CSMD1: variants seen among roughly 807,000 people sequenced by gnomAD.
CSMD1 encodes CUB and Sushi multiple domains 1, also known as CUB and sushi domain-containing protein 1.
In CSMD1, 213 loss-of-function variants were observed where a neutral mutation model predicts 417.5. The ratio of observed to expected loss-of-function variants is 0.51; its 90% CI spans 0.46 to 0.57. The LOEUF (loss-of-function observed/expected upper bound fraction) is 0.57, where lower values mean the gene tolerates loss of function less well. Ranked by LOEUF, CSMD1 falls within the 20% of genes least tolerant of loss-of-function variation. The pLI is 0.00. For synonymous variants in CSMD1, 2,862 were observed against 1,736.8 expected (o/e 1.65, Z -16.11); for missense variants, 6,923 against 4,529.7 (o/e 1.53, Z -15.17).
At chr8:4,300,604 T>C (rs1196413377) in intron 3 of CSMD1, among the ~76,000 whole-genome samples, 1 of 152,214 alleles carries the variant, frequency 6.6e-6, no homozygotes, top group Non-Finnish European at 1.5e-5. Context: ...TTCATATGTA[T>C]ACATGTGCCA....
intron 3 of CSMD1, among the ~76,000 whole-genome samples, chr8:4,082,014 T>G (rs1194799165): frequency 1.3e-5 from 2 of 151,980 alleles, no homozygotes; most frequent in African/African-American, 4.8e-5. Flanking sequence ...ATATAAAATT[T>G]TAAAAGGCAA....
intron 3 of CSMD1, among the ~76,000 whole-genome samples, chr8:4,047,259 A>T (rs1467363034): frequency 6.6e-6 from 1 of 152,162 alleles, no homozygotes; most frequent in East Asian, 1.9e-4. Flanking sequence ...AGTGGTAGGC[A>T]CATGTATTCT....
chr8:3,784,285 CAGAT>C (rs1171684148), intron 5 of CSMD1, among the ~76,000 whole-genome samples: 1 of 152,152 alleles, frequency 6.6e-6, no homozygotes, highest in Non-Finnish European at 1.5e-5. Context: ...CTAAATTTCT[CAGAT>C]AAATAATATT....
At chr8:3,087,037 G>C (rs1814579367) in intron 49 of CSMD1, 60 bp downstream of exon 49, 2 of 1,382,104 alleles carry the variant, frequency 1.4e-6, no homozygotes, top group Non-Finnish European at 2.0e-6. Context: ...TTTTCAGAGA[G>C]TGATTAAAAT....
At chr8:3,525,835 GC>G (rs1226396965) in intron 10 of CSMD1, among the ~76,000 whole-genome samples, 2 of 148,142 alleles carry the variant, frequency 1.4e-5, no homozygotes, top group Admixed American at 6.6e-5. Context: ...AAAATCAATA[GC>G]CCCCCAGGTC....
chr8:4,289,657 C>G (rs1336800701), intron 3 of CSMD1, among the ~76,000 whole-genome samples: 1 of 152,264 alleles, frequency 6.6e-6, no homozygotes. Context: ...GTCCATGGTC[C>G]TGAGTAACAT....
At chr8:3,981,363 G>A (rs542975155) in intron 5 of CSMD1, among the ~76,000 whole-genome samples, 1 of 152,128 alleles carries the variant, frequency 6.6e-6, no homozygotes, top group African/African-American at 2.4e-5. Flanking sequence ...GAAGGGGGGT[G>A]AAGGATAAAA....
At chr8:4,794,575 C>T (rs1334318002) in intron 1 of CSMD1, among the ~76,000 whole-genome samples, 1 of 152,158 alleles carries the variant, frequency 6.6e-6, no homozygotes, top group Non-Finnish European at 1.5e-5. Context: ...AGAGATTCTT[C>T]CCCTTCTCTC....
chr8:4,647,446 G>A lies in CSMD1; in HGVS notation c.86-9888C>T, dbSNP rs919846479. 2.0e-4 allele frequency among the ~76,000 whole-genome samples: 30 copies of A among 150,954 alleles called. 1 individual carries two copies. Among genetic ancestry groups the A allele is most frequent in the Admixed American group, 1.9e-3 (29 of 15,192 alleles). ...ACGGCGGCCTGCTACGTAGGTATGCGTGTGCCACGGCGGCCTGCTACGTAG... is the reference window on the plus strand; with the variant it reads ...ACGGCGGCCTGCTACGTAGGTATGCATGTGCCACGGCGGCCTGCTACGTAG... On this transcript the variant is annotated intron_variant, in intron 1 of 69. Transcript: ENST00000635120.
chr8:4,981,711 C>T (rs979484791), intron 1 of CSMD1, among the ~76,000 whole-genome samples: 3 of 152,164 alleles, frequency 2.0e-5, no homozygotes, highest in Admixed American at 6.5e-5. Context: ...GCGGCACCCC[C>T]ACCTGCTGAT....
chr8:4,455,462 T>G (rs1394831768), intron 2 of CSMD1, among the ~76,000 whole-genome samples: 1 of 152,170 alleles, frequency 6.6e-6, no homozygotes, highest in Non-Finnish European at 1.5e-5. Flanking sequence ...ACAGCCACCT[T>G]GCTTGACAGC....
At chr8:3,135,794 G>A (rs1818046082) in intron 41 of CSMD1, among the ~76,000 whole-genome samples, 1 of 152,176 alleles carries the variant, frequency 6.6e-6, no homozygotes, top group South Asian at 2.1e-4. Context: ...ACACAAGCTG[G>A]CCCACCAAGA....
intron 5 of CSMD1, among the ~76,000 whole-genome samples, chr8:3,975,016 A>G (rs571457195): frequency 1.8e-4 from 27 of 152,202 alleles, no homozygotes; most frequent in Non-Finnish European, 3.2e-4. Flanking sequence ...TGAAAATGGA[A>G]TATAAATTTT....
chr8:4,153,981 G>C (rs562859107), intron 3 of CSMD1, among the ~76,000 whole-genome samples: 1 of 152,174 alleles, frequency 6.6e-6, no homozygotes, highest in Non-Finnish European at 1.5e-5. Context: ...TTACTGAGAA[G>C]GCAGAATCCA....
intron 1 of CSMD1, among the ~76,000 whole-genome samples, chr8:4,713,747 T>A (rs949069627): frequency 6.6e-6 from 1 of 152,158 alleles, no homozygotes; most frequent in African/African-American, 2.4e-5. Context: ...CTGAGGCAAC[T>A]CCACGGACAG....
At chr8:3,508,429 C>A (rs1021213500) in intron 10 of CSMD1, among the ~76,000 whole-genome samples, 5 of 151,742 alleles carry the variant, frequency 3.3e-5, no homozygotes, top group East Asian at 3.9e-4. Context: ...ATGGGTGCAG[C>A]ACACCAACAT....
chr8:4,343,984 C>T (rs1473307527), intron 3 of CSMD1, among the ~76,000 whole-genome samples: 1 of 152,050 alleles, frequency 6.6e-6, no homozygotes, highest in African/African-American at 2.4e-5. Flanking sequence ...CTAGTAAAGC[C>T]ATTGCCAATA....
At chr8:4,264,854 G>A (rs1243644314) in intron 3 of CSMD1, among the ~76,000 whole-genome samples, 4 of 152,172 alleles carry the variant, frequency 2.6e-5, no homozygotes, top group African/African-American at 7.2e-5. Context: ...TCCTAGATGA[G>A]TAAATTAAGT....
chr8:4,194,455 A>G (rs1799215216), intron 3 of CSMD1, among the ~76,000 whole-genome samples: 1 of 152,202 alleles, frequency 6.6e-6, no homozygotes, highest in African/African-American at 2.4e-5. Flanking sequence ...AAAGGCCTGA[A>G]TTACAATAGC....
Sources: allele counts gnomAD v4.1 joint callset (sites outside exome capture counted in the v4.1 genomes callset), GRCh38; gene constraint gnomAD v4.1.1; transcripts MANE v1.5; gene names NCBI Gene and HGNC (gene_info 2026-07-23, HGNC 2026-07-21).